Variants in CHD9 observed in about 807,000 individuals in gnomAD.
The protein encoded by CHD9 is ATP-dependent chromatin remodeler CHD9.
A neutral mutation model predicts 316.1 loss-of-function variants in CHD9; 77 were observed. The observed-to-expected ratio is 0.24, with a 90% confidence interval of 0.20 to 0.29. The LOEUF (loss-of-function observed/expected upper bound fraction) is 0.29. CHD9 is among the 10% of genes least tolerant of loss of function. CHD9 has a pLI of 1.00. For synonymous variants in CHD9, 1,129 were observed against 1,158.3 expected (o/e 0.97, Z 0.51); for missense variants, 2,763 against 3,438.1 (o/e 0.80, Z 4.91).
chr16:53,242,299 T>C (rs1266436757), intron 12 of CHD9, among the ~76,000 whole-genome samples: 2 of 152,210 alleles, frequency 1.3e-5, no homozygotes, highest in African/African-American at 4.8e-5. Context: ...AATAACTATG[T>C]CCTGCATTTG....
At chr16:53,125,528 G>A (rs113301402) in intron 1 of CHD9, among the ~76,000 whole-genome samples, 5,052 of 152,242 alleles carry the variant, frequency 0.033, 103 homozygotes, top group Middle Eastern at 0.092. Context: ...GAGCCACTGC[G>A]CCCAGCTGAC....
In CHD9 at chr16:53,156,990, A is replaced by G. The variant is rs1165934199; in HGVS notation, c.901A>G (p.Thr301Ala). 3 of 1,612,778 alleles carry G rather than the reference A, an allele frequency of 1.9e-6. No homozygotes were observed. The highest frequency in any genetic ancestry group is 2.2e-5 in the South Asian group (2 of 91,050). The part of the protein sequence containing the change: ...AVLASNHTNQ[T>A]LSDFTGSNSF... ...TCTTGCATCTAATCATACAAATCAGACTTTATCTGATTTTACTGGAAGTAA... is the reference window on the plus strand; with the variant it reads ...TCTTGCATCTAATCATACAAATCAGGCTTTATCTGATTTTACTGGAAGTAA... Residue 301 changes from threonine (T) to alanine (A), a missense_variant, in exon 2 of 39, where the codon ACT (threonine) becomes GCT (alanine). Coordinates refer to ENST00000447540, the MANE Select transcript of CHD9 (RefSeq NM_001308319.2).
chr16:53,308,555 G>T, intron 33 of CHD9, 131 bp from the exon 34 acceptor site: 1 of 648,582 alleles, frequency 1.5e-6, no homozygotes, highest in Non-Finnish European at 2.7e-6. Flanking sequence ...ATTTATGAAT[G>T]AGAAATGAAC....
At chr16:53,153,783 T>G (rs1298588059) in intron 1 of CHD9, among the ~76,000 whole-genome samples, 1 of 152,078 alleles carries the variant, frequency 6.6e-6, no homozygotes, top group African/African-American at 2.4e-5. Context: ...TAAGCATTCC[T>G]CCCACTTCAG....
chr16:53,218,109 G>A (rs765265471), intron 3 of CHD9, among the ~76,000 whole-genome samples: 4 of 152,022 alleles, frequency 2.6e-5, no homozygotes, highest in Non-Finnish European at 4.4e-5. Context: ...GAAAAGGCAC[G>A]TGTAACATTT....
At chr16:53,226,345 G>C (rs2047655069) in intron 4 of CHD9, 21 bp from the exon 5 acceptor site, 1 of 1,481,500 alleles carries the variant, frequency 6.7e-7, no homozygotes, top group Non-Finnish European at 9.0e-7. Flanking sequence ...ATATAAATCT[G>C]ATTCTTGTGG....
At chr16:53,140,377 A>G (rs2040015259) in intron 1 of CHD9, among the ~76,000 whole-genome samples, 1 of 148,412 alleles carries the variant, frequency 6.7e-6, no homozygotes, top group Admixed American at 6.8e-5. Flanking sequence ...AGATCACACC[A>G]CTGCATTCCA....
intron 1 of CHD9, chr16:53,122,276 C>T (rs1309965530): frequency 6.6e-6 from 1 of 152,016 alleles, no homozygotes; most frequent in East Asian, 1.9e-4. Flanking sequence ...AGCACCTACC[C>T]TAGTATACAT....
chr16:53,244,475 G>A (rs930271985), intron 13 of CHD9, among the ~76,000 whole-genome samples: 2 of 152,084 alleles, frequency 1.3e-5, no homozygotes, highest in Non-Finnish European at 2.9e-5. Flanking sequence ...GCAGGCATGA[G>A]CCACCGCGCC....
At chr16:53,319,758 G>A (rs571329346) in intron 37 of CHD9, 1 of 1,050,500 alleles carries the variant, frequency 9.5e-7, no homozygotes, top group Non-Finnish European at 1.3e-6. Context: ...TGAGAGGTTT[G>A]TTCATGTTCC....
intron 30 of CHD9, among the ~76,000 whole-genome samples, chr16:53,300,169 T>C (rs888991664): frequency 1.1e-4 from 17 of 152,216 alleles, no homozygotes; most frequent in African/African-American, 3.1e-4. Context: ...CTGGCCAACG[T>C]GGCGAAACCC....
At position 53,227,531 on chromosome 16, in the gene CHD9, T is replaced by C; in HGVS notation, c.2113-17T>C. 8 of 1,476,032 alleles carry C rather than the reference T, an allele frequency of 5.4e-6. No individual in the cohort carries two copies. The highest frequency in any genetic ancestry group is 7.3e-6 in the Non-Finnish European group (8 of 1,095,436). The allele number at this position is 1,476,032 out of a possible 1,614,324, so 91.4% of individuals were successfully genotyped here. A position where few individuals can be genotyped will look rare whatever the true frequency, so the allele number is the denominator to read the frequency against. The stretch of plus-strand genomic sequence containing the variant: ...GCCTGTTTAAAAGAGTCACCATTAC[T>C]GATTTTCTTTTCTTAGATATCACCT... On this transcript the variant is annotated splice_polypyrimidine_tract_variant and intron_variant, in intron 6 of 38. Coordinates refer to ENST00000447540, the MANE Select transcript of CHD9 (RefSeq NM_001308319.2).
chr16:53,115,166 C>T (rs1482486766), intron 1 of CHD9, among the ~76,000 whole-genome samples: 2 of 152,068 alleles, frequency 1.3e-5, no homozygotes, highest in Non-Finnish European at 2.9e-5. Context: ...GATAATGAGG[C>T]AAATGTTTAT....
chr16:53,256,214 A>G (rs1421529166), intron 19 of CHD9, among the ~76,000 whole-genome samples: 2 of 152,052 alleles, frequency 1.3e-5, no homozygotes. Context: ...CTGTAATCCC[A>G]GCACTTTGGG....
Position 53,222,691 on chromosome 16 carries a change from C to G in CHD9, c.1832C>G (p.Ser611Cys), listed in dbSNP as rs1259057657. Residue 611 changes from serine to cysteine, a missense_variant, in exon 4 of 39, where the codon TCT becomes TGT. This residue lies in a region of CHD9 where 859 missense variants were observed against 890.4 expected (regional missense o/e 0.96). Transcript: ENST00000447540. Reference protein sequence around the residue: ...LGKKQKRKNESSDEISDAEQM... With the variant: ...LGKKQKRKNECSDEISDAEQM... ...AAGAAACAAAAAAGAAAGAATGAGT[C>G]TTCAGATGAAATATCTGATGCAGAA... 2.5e-6 allele frequency: 4 copies of G among 1,583,040 alleles called. No individual in the cohort carries two copies. Among genetic ancestry groups the G allele is most frequent in the East Asian group, 4.5e-5 (2 of 44,204 alleles).
intron 35 of CHD9, 51 bp downstream of exon 35, chr16:53,314,567 TAATA>T: frequency 7.3e-7 from 1 of 1,369,912 alleles, no homozygotes; most frequent in Non-Finnish European, 9.9e-7. Flanking sequence ...AATTCAATCC[TAATA>T]AATATACATA....
intron 3 of CHD9, among the ~76,000 whole-genome samples, chr16:53,212,359 T>G (rs1567489116): frequency 6.6e-6 from 1 of 151,640 alleles, no homozygotes; most frequent in South Asian, 2.1e-4. Context: ...GAGCCGAGAT[T>G]GCACCACTGC....
At chr16:53,095,590 C>T (rs11860334) in intron 1 of CHD9, among the ~76,000 whole-genome samples, 18,101 of 152,124 alleles carry the variant, frequency 0.12, 1,472 homozygotes, top group East Asian at 0.43. Flanking sequence ...GAATATCCTG[C>T]TATATGCAGC....
chr16:53,325,743 T>A lies in CHD9; in HGVS notation c.*848T>A, dbSNP rs1416786870. ...AAATAATCATGTCTCAGATGAGTAA[T>A]GTCTGTTTCCAGGGTTCAGAAAAGG... On this transcript the variant is annotated 3_prime_UTR_variant, in exon 39 of 39. Transcript: ENST00000447540. 2.0e-5 allele frequency: 3 copies of A among 152,228 alleles called. No homozygotes were observed. Among genetic ancestry groups the A allele is most frequent in the African/African-American group, 7.2e-5 (3 of 41,448 alleles). The allele number at this position is 152,228 out of a possible 1,614,324, so 9.4% of individuals were successfully genotyped here.
Sources: allele counts gnomAD v4.1 joint callset (sites outside exome capture counted in the v4.1 genomes callset), GRCh38; gene constraint gnomAD v4.1.1; regional missense constraint gnomAD v4.1.1; transcripts MANE v1.5; gene names NCBI Gene and HGNC (gene_info 2026-07-23, HGNC 2026-07-21).